The following TMEM177 variants were observed in gnomAD, a reference collection of about 807,000 sequenced individuals.
The protein encoded by TMEM177 is transmembrane protein 177.
In TMEM177, 4 loss-of-function variants were observed where a neutral mutation model predicts 14.2. The ratio of observed to expected loss-of-function variants is 0.28; its 90% CI spans 0.14 to 0.64. The LOEUF (loss-of-function observed/expected upper bound fraction) is 0.64. TMEM177 is among the 30% of genes least tolerant of loss of function. TMEM177 has a pLI of 0.82. For missense variants in TMEM177, 344 were observed against 405.2 expected (o/e 0.85, Z 1.30); for synonymous variants, 179 against 174.5 (o/e 1.03, Z -0.20).
chr2:119,683,381 A>G (rs944037273), downstream of TMEM177, among the ~76,000 whole-genome samples: 16 of 152,176 alleles, frequency 1.1e-4, no homozygotes, highest in African/African-American at 3.9e-4. Flanking sequence ...ACTCAGGGAC[A>G]CACCATTTCA....
chr2:119,706,329 T>C, the TMEM177 span, among the ~76,000 whole-genome samples: 1 of 152,114 alleles, frequency 6.6e-6, no homozygotes, highest in Non-Finnish European at 1.5e-5. Flanking sequence ...CCTGGCCGAA[T>C]TCTGGCAGTA....
At chr2:119,701,701 G>A in the TMEM177 span, among the ~76,000 whole-genome samples, 142,425 of 152,336 alleles carry the variant, frequency 0.93, 66,858 homozygotes, top group East Asian at 1. Flanking sequence ...AGGAATTCAC[G>A]CAGAGCCAGC....
the TMEM177 span, among the ~76,000 whole-genome samples, chr2:119,699,341 AT>A: frequency 6.6e-6 from 1 of 152,190 alleles, no homozygotes; most frequent in Non-Finnish European, 1.5e-5. Flanking sequence ...TTCACTCACT[AT>A]CACAAGCACG....
the TMEM177 span, among the ~76,000 whole-genome samples, chr2:119,701,909 A>G: frequency 6.6e-6 from 1 of 152,200 alleles, no homozygotes; most frequent in Non-Finnish European, 1.5e-5. Flanking sequence ...ACAGCAGAAC[A>G]GGTTGAGTCA....
chr2:119,682,914 AT>A (rs1431103425), downstream of TMEM177, among the ~76,000 whole-genome samples: 2 of 152,126 alleles, frequency 1.3e-5, no homozygotes, highest in Non-Finnish European at 2.9e-5. Flanking sequence ...TGCCCTGCTT[AT>A]TTCCCTTGAG....
At chr2:119,683,374 CAG>C (rs1688950180), downstream of TMEM177, among the ~76,000 whole-genome samples, 1 of 152,196 alleles carries the variant, frequency 6.6e-6, no homozygotes, top group Non-Finnish European at 1.5e-5. Context: ...AGTCTTCACT[CAG>C]GGACACACCA....
chr2:119,693,092 A>G, the TMEM177 span, among the ~76,000 whole-genome samples: 17 of 150,170 alleles, frequency 1.1e-4, no homozygotes, highest in Admixed American at 5.3e-4. Flanking sequence ...CGGCATGGGG[A>G]CCTGTAGCAT....
the TMEM177 span, among the ~76,000 whole-genome samples, chr2:119,712,963 A>G: frequency 1.5e-4 from 23 of 152,330 alleles, no homozygotes; most frequent in Admixed American, 4.6e-4. Flanking sequence ...CAGCATTTAC[A>G]TAGTCTAAGA....
chr2:119,701,668 C>T, the TMEM177 span, among the ~76,000 whole-genome samples: 31 of 152,334 alleles, frequency 2.0e-4, 1 homozygote, highest in Middle Eastern at 0.01. Flanking sequence ...TTTATCAAGA[C>T]AGGAGAACTG....
At chr2:119,715,787 C>T in the TMEM177 span, among the ~76,000 whole-genome samples, 1 of 152,238 alleles carries the variant, frequency 6.6e-6, no homozygotes, top group African/African-American at 2.4e-5. Context: ...GGACCTGGTG[C>T]ACCCCATGTC....
chr2:119,693,652 A>C, the TMEM177 span, among the ~76,000 whole-genome samples: 1 of 152,124 alleles, frequency 6.6e-6, no homozygotes, highest in African/African-American at 2.4e-5. Flanking sequence ...TGAGGCTGAC[A>C]TTCTCTAAAT....
At chr2:119,695,764 A>G in the TMEM177 span, among the ~76,000 whole-genome samples, 1 of 152,216 alleles carries the variant, frequency 6.6e-6, no homozygotes, top group Non-Finnish European at 1.5e-5. Flanking sequence ...GGGGTGGTAA[A>G]TTGTACACAG....
At chr2:119,720,770 T>C in the TMEM177 span, among the ~76,000 whole-genome samples, 1 of 152,370 alleles carries the variant, frequency 6.6e-6, no homozygotes, top group South Asian at 2.1e-4. Flanking sequence ...TTGTTTAAGT[T>C]ATTTTTTGTT....
downstream of TMEM177, among the ~76,000 whole-genome samples, chr2:119,687,933 TTA>T (rs1384942626): frequency 1.3e-5 from 2 of 152,232 alleles, no homozygotes; most frequent in Non-Finnish European, 2.9e-5. Flanking sequence ...TCATAAAAGT[TTA>T]TCTTTTGACC....
At chr2:119,705,990 A>ATATATATATATTATATAT in the TMEM177 span, among the ~76,000 whole-genome samples, 1 of 14,606 alleles carries the variant, frequency 6.8e-5, no homozygotes, top group African/African-American at 1.3e-4. Context: ...CTCTCTATAT[A>ATATATATATATTATATAT]TATATATTAT....
At chr2:119,682,743 C>A (rs1450902379), downstream of TMEM177, among the ~76,000 whole-genome samples, 1 of 152,186 alleles carries the variant, frequency 6.6e-6, no homozygotes, top group Non-Finnish European at 1.5e-5. Context: ...CCATCCAGAG[C>A]TGTCAGCCTC....
chr2:119,696,395 A>G, the TMEM177 span, among the ~76,000 whole-genome samples: 1 of 152,186 alleles, frequency 6.6e-6, no homozygotes, highest in Non-Finnish European at 1.5e-5. Flanking sequence ...GTGTGGGGGC[A>G]GTGCTTCACA....
At chr2:119,685,039 C>A (rs556665426), downstream of TMEM177, among the ~76,000 whole-genome samples, 14 of 152,270 alleles carry the variant, frequency 9.2e-5, no homozygotes, top group East Asian at 2.5e-3. Context: ...TCCTAGATCC[C>A]TTGTGAACAT....
chr2:119,705,486 G>A, the TMEM177 span, among the ~76,000 whole-genome samples: 3 of 152,182 alleles, frequency 2.0e-5, no homozygotes, highest in African/African-American at 2.4e-5. Flanking sequence ...CTTGCTGGCT[G>A]TCAGCAGGAA....
Sources: allele counts gnomAD v4.1 joint callset (sites outside exome capture counted in the v4.1 genomes callset), GRCh38; gene constraint gnomAD v4.1.1; transcripts MANE v1.5; gene names NCBI Gene and HGNC (gene_info 2026-07-23, HGNC 2026-07-21).